The following ACER3 variants were observed in gnomAD, a reference collection of about 807,000 sequenced individuals.
ACER3 encodes the protein alkCDase 3.
A neutral mutation model predicts 48.9 loss-of-function variants in ACER3; 16 were observed. That is an observed-to-expected ratio of 0.33 (90% CI 0.22 to 0.50). The LOEUF is 0.50. ACER3 is among the 20% of genes least tolerant of loss of function. ACER3 has a pLI of 0.98. For synonymous variants in ACER3, 109 were observed against 107.8 expected (o/e 1.01, Z -0.07); for missense variants, 227 against 326.0 (o/e 0.70, Z 2.34).
chr11:76,962,971 G>GA (rs1390430456), intron 3 of ACER3, among the ~76,000 whole-genome samples: 1 of 151,414 alleles, frequency 6.6e-6, no homozygotes, highest in Admixed American at 6.5e-5. Flanking sequence ...CTGCCTGCCT[G>GA]AAAAATCACA....
At chr11:76,905,739 A>AGG (rs1946213247) in intron 1 of ACER3, among the ~76,000 whole-genome samples, 3 of 152,250 alleles carry the variant, frequency 2.0e-5, no homozygotes, top group African/African-American at 7.2e-5. Context: ...AGCATACTAT[A>AGG]CAGAAATTAA....
intron 2 of ACER3, among the ~76,000 whole-genome samples, chr11:76,947,840 T>TTCA (rs1947517000): frequency 6.6e-6 from 1 of 152,230 alleles, no homozygotes; most frequent in African/African-American, 2.4e-5. Flanking sequence ...GATTTTCAGA[T>TTCA]AACTACATTT....
At position 76,912,570 on chromosome 11, in the gene ACER3, C is replaced by CTGTT. The variant is rs68010628; in HGVS notation, c.104-13986_104-13985insGTTT. On this transcript the variant is annotated intron_variant, in intron 1 of 10. Coordinates refer to ENST00000532485, the MANE Select transcript of ACER3 (RefSeq NM_018367.7). Reference sequence around the variant, plus strand: ...TGATAATTTAAAAAAATTGTGATCTCTATAGATTAAAGAAGACAATGACAT... The same window carrying CTGTT: ...TGATAATTTAAAAAAATTGTGATCTCTGTTTATAGATTAAAGAAGACAATGACAT... Among the ~76,000 whole-genome samples the CTGTT allele has an allele frequency of 3.3e-5, 5 of 151,540 alleles. No individual in the cohort carries two copies. The South Asian group carries it at 1.0e-3, about 31-fold the overall frequency.
At chr11:76,972,694 T>C (rs968008043) in intron 3 of ACER3, among the ~76,000 whole-genome samples, 1 of 152,174 alleles carries the variant, frequency 6.6e-6, no homozygotes, top group Non-Finnish European at 1.5e-5. Context: ...GCCAGTGCCC[T>C]CCAGTGAGGA....
intron 2 of ACER3, among the ~76,000 whole-genome samples, chr11:76,947,549 A>G (rs916716568): frequency 6.6e-5 from 10 of 152,210 alleles, no homozygotes; most frequent in African/African-American, 2.4e-4. Context: ...AATTGTAGCA[A>G]TTACACTTAG....
rs897870738 is a variant in ACER3 at position 76,958,728 on chromosome 11, A to G, written c.215-251A>G. 2.0e-5 allele frequency: 10 copies of G among 496,494 alleles called. No individual in the cohort carries two copies. In the East Asian group the frequency reaches 3.3e-4, roughly 16 times the overall value. The allele number at this position is 496,494 out of a possible 1,614,324, so 30.8% of individuals were successfully genotyped here. On this transcript the variant is annotated intron_variant, in intron 2 of 10. Coordinates refer to ENST00000532485, the MANE Select transcript of ACER3 (RefSeq NM_018367.7). ...GCATCAGATAATACATTTTACAGAAATAATGGAATATTGTTAGTCTAGTAA... is the reference window on the plus strand; with the variant it reads ...GCATCAGATAATACATTTTACAGAAGTAATGGAATATTGTTAGTCTAGTAA...
At chr11:76,880,372 G>A (rs1333497320) in intron 1 of ACER3, among the ~76,000 whole-genome samples, 1 of 152,126 alleles carries the variant, frequency 6.6e-6, no homozygotes, top group African/African-American at 2.4e-5. Flanking sequence ...CAGATGTGTG[G>A]GGATTTCTCC....
rs922703880 is a variant in ACER3 at position 76,861,162 on chromosome 11, C to G, written c.103+83C>G. On this transcript the variant is annotated intron_variant, in intron 1 of 10. Transcript: ENST00000532485. ...CGTGTGAGGAAGGCAAAGAGCGAAC[C>G]TGGCCGCGAAGGGAGGTGCCAGGCC... 18 of 1,365,922 alleles carry G rather than the reference C, an allele frequency of 1.3e-5. No individual in the cohort carries two copies. The African/African-American group carries it at 2.5e-4, about 19-fold the overall frequency. The allele number at this position is 1,365,922 out of a possible 1,614,324, so 84.6% of individuals were successfully genotyped here.
At chr11:76,918,753 T>G (rs1216652902) in intron 1 of ACER3, among the ~76,000 whole-genome samples, 1 of 152,162 alleles carries the variant, frequency 6.6e-6, no homozygotes, top group Non-Finnish European at 1.5e-5. Context: ...ATAATTGTTT[T>G]TACCCATTTT....
Position 76,861,013 on chromosome 11 carries a change from C to T in ACER3, c.37C>T (p.Pro13Ser), listed in dbSNP as rs915463672. ...CGCGGACCGAGAGGGCTACTGGGGC[C>T]CCACGACCTCCACGCTGGACTGGTG... ...PAADREGYWGPTTSTLDWCEE... is the reference protein window; with the variant it reads ...PAADREGYWGSTTSTLDWCEE... The change falls in exon 1 of 11, where the codon CCC (proline) becomes TCC (serine). Residue 13 changes from proline to serine, a missense_variant. Transcript: ENST00000532485. 5.2e-6 allele frequency: 8 copies of T among 1,546,826 alleles called. No individual in the cohort carries two copies. In the South Asian group the frequency reaches 9.5e-5, roughly 18 times the overall value.
At chr11:76,878,068 A>T (rs993385325) in intron 1 of ACER3, among the ~76,000 whole-genome samples, 32 of 151,858 alleles carry the variant, frequency 2.1e-4, no homozygotes, top group African/African-American at 7.5e-4. Flanking sequence ...TCATTTATCC[A>T]TTCTTTAATC....
chr11:77,002,443 T>C (rs1233254200), intron 7 of ACER3, among the ~76,000 whole-genome samples: 2 of 152,224 alleles, frequency 1.3e-5, no homozygotes, highest in African/African-American at 2.4e-5. Flanking sequence ...CCTTGTATCC[T>C]GGGATAAACC....
chr11:76,886,856 T>G (rs1471948524), intron 1 of ACER3, among the ~76,000 whole-genome samples: 1 of 152,122 alleles, frequency 6.6e-6, no homozygotes, highest in African/African-American at 2.4e-5. Context: ...TTTTGTATTT[T>G]TTGTAGAGAC....
At chr11:76,901,520 G>A (rs913673596) in intron 1 of ACER3, among the ~76,000 whole-genome samples, 3 of 152,138 alleles carry the variant, frequency 2.0e-5, no homozygotes, top group Admixed American at 6.5e-5. Flanking sequence ...GTAGCAGGAC[G>A]AGCCACAGAC....
intron 1 of ACER3, among the ~76,000 whole-genome samples, chr11:76,866,982 A>G (rs1427542715): frequency 6.6e-6 from 1 of 152,188 alleles, no homozygotes; most frequent in Non-Finnish European, 1.5e-5. Flanking sequence ...CATTTTTCTG[A>G]CAGCGTAAAC....
At chr11:76,964,148 C>A (rs1258383503) in intron 3 of ACER3, among the ~76,000 whole-genome samples, 1 of 151,400 alleles carries the variant, frequency 6.6e-6, no homozygotes, top group Non-Finnish European at 1.5e-5. Context: ...CTTAACAAAC[C>A]GCACACCAGG....
chr11:76,988,273 C>T (rs1948726105), intron 5 of ACER3, among the ~76,000 whole-genome samples: 1 of 152,162 alleles, frequency 6.6e-6, no homozygotes. Flanking sequence ...GTTGAGAGGG[C>T]ACATATGCAC....
At chr11:76,929,586 T>C (rs1272470283) in intron 2 of ACER3, among the ~76,000 whole-genome samples, 4 of 152,166 alleles carry the variant, frequency 2.6e-5, no homozygotes, top group East Asian at 1.9e-4. Flanking sequence ...CAGTATGATA[T>C]TGGCTGTGGG....
intron 7 of ACER3, among the ~76,000 whole-genome samples, chr11:77,001,490 A>T (rs912134045): frequency 1.3e-5 from 2 of 152,114 alleles, no homozygotes; most frequent in African/African-American, 4.8e-5. Flanking sequence ...ACTCCTGACC[A>T]TGTGATCTGC....
Sources: gnomAD v4.1 joint callset for allele counts (sites outside exome capture counted in the v4.1 genomes callset) on GRCh38, gnomAD v4.1.1 for gene constraint, MANE v1.5 for transcripts, NCBI Gene and HGNC (gene_info 2026-07-23, HGNC 2026-07-21) for gene names.